The following HMBOX1 variants were observed in gnomAD, a reference collection of about 807,000 sequenced individuals.
HMBOX1 encodes the protein homeobox containing 1.
HMBOX1 carries 14 observed loss-of-function variants against 54.5 expected under a neutral mutation model. The ratio of observed to expected loss-of-function variants is 0.26; its 90% CI spans 0.17 to 0.40. The LOEUF is 0.40. Among genes scored for constraint, HMBOX1 ranks in the 10% least tolerant of loss-of-function variants. The pLI, the probability that HMBOX1 is intolerant of heterozygous loss-of-function variation, is 1.00. For synonymous variants in HMBOX1, 160 were observed against 181.0 expected, an observed-to-expected ratio of 0.88 and a Z score of 0.93; for missense variants, 332 against 514.4, an observed-to-expected ratio of 0.65 and a Z score of 3.43.
intron 1 of HMBOX1, among the ~76,000 whole-genome samples, chr8:28,897,208 T>TC: frequency 6.6e-6 from 1 of 151,674 alleles, no homozygotes; most frequent in East Asian, 1.9e-4. Flanking sequence ...TGGTCTCGAA[T>TC]CCCCCCTCAG....
intron 1 of HMBOX1, among the ~76,000 whole-genome samples, chr8:28,913,316 T>C (rs1002268294): frequency 6.6e-6 from 1 of 152,202 alleles, no homozygotes; most frequent in Admixed American, 6.5e-5. Context: ...ATTACTACTT[T>C]TCTTTTTGCA....
chr8:28,977,914 A>T (rs1828689730), intron 3 of HMBOX1, among the ~76,000 whole-genome samples: 1 of 151,676 alleles, frequency 6.6e-6, no homozygotes, highest in African/African-American at 2.4e-5. Flanking sequence ...ACTGCACTCC[A>T]GCCTGGGCGA....
chr8:29,012,095 G>A (rs765395418), intron 5 of HMBOX1, among the ~76,000 whole-genome samples: 6 of 152,146 alleles, frequency 3.9e-5, no homozygotes, highest in African/African-American at 7.2e-5. Flanking sequence ...TTGTTGTTGC[G>A]TTAACAGCAA....
Position 28,970,102 on chromosome 8 carries a change from A to T in HMBOX1, c.83A>T (p.Asp28Val), listed in dbSNP as rs1406641481. Residue 28 changes from aspartate to valine, a missense_variant, in exon 3 of 10, where the codon GAT (aspartate) becomes GTT (valine). Transcript: ENST00000287701. This position sits in a 1 kb window ranked among gnomAD's most constrained non-coding sequence, Gnocchi z 4.3. Reference protein sequence around the residue: ...DEPRFTIEQIDLLQRLRRTGM... With the variant: ...DEPRFTIEQIVLLQRLRRTGM... ...CCCAGATTTACCATAGAGCAGATAG[A>T]TCTGCTTCAGCGACTTCGGCGTACT... is the stretch of plus-strand genomic sequence containing the variant. The T allele has an allele frequency of 6.2e-7, 1 of 1,614,008 alleles. No individual in the cohort carries two copies. The highest frequency in any genetic ancestry group is 8.5e-7 in the Non-Finnish European group (1 of 1,179,990).
At chr8:28,901,314 C>T (rs1813192880) in intron 1 of HMBOX1, among the ~76,000 whole-genome samples, 1 of 151,970 alleles carries the variant, frequency 6.6e-6, no homozygotes, top group Non-Finnish European at 1.5e-5. Flanking sequence ...AATATTTCCC[C>T]TTAAAATTTT....
intron 1 of HMBOX1, among the ~76,000 whole-genome samples, chr8:28,918,961 T>G (rs1226833517): frequency 6.6e-6 from 1 of 152,246 alleles, no homozygotes; most frequent in Admixed American, 6.5e-5. Flanking sequence ...TTTAAAGTAT[T>G]TCTTTATACT....
At chr8:28,989,043 C>T (rs770892404) in intron 4 of HMBOX1, among the ~76,000 whole-genome samples, 5 of 152,084 alleles carry the variant, frequency 3.3e-5, no homozygotes, top group Non-Finnish European at 5.9e-5. Context: ...GAGGCCGAGG[C>T]GGGCGAATCA....
At chr8:28,925,131 GAA>G (rs1167864474) in intron 1 of HMBOX1, among the ~76,000 whole-genome samples, 2 of 151,870 alleles carry the variant, frequency 1.3e-5, no homozygotes, top group Non-Finnish European at 2.9e-5. Context: ...AAAATTAAAA[GAA>G]TAATATTATG....
intron 1 of HMBOX1, among the ~76,000 whole-genome samples, chr8:28,957,168 T>A (rs1234194991): frequency 6.6e-6 from 1 of 152,036 alleles, no homozygotes; most frequent in Non-Finnish European, 1.5e-5. Flanking sequence ...TCAGCGTAGG[T>A]CCCTATCAAC....
chr8:28,967,941 G>C (rs912386982), intron 2 of HMBOX1, among the ~76,000 whole-genome samples: 1 of 152,072 alleles, frequency 6.6e-6, no homozygotes, highest in Non-Finnish European at 1.5e-5. Context: ...GTGTGTGTTT[G>C]GTTTTGTTTT....
chr8:28,984,637 A>C (rs1192884795), intron 4 of HMBOX1, among the ~76,000 whole-genome samples: 2 of 152,226 alleles, frequency 1.3e-5, no homozygotes, highest in Non-Finnish European at 2.9e-5. Flanking sequence ...TTACCTCTGT[A>C]AGAGGTCAGC....
chr8:29,017,390 A>G (rs536389061), intron 5 of HMBOX1, among the ~76,000 whole-genome samples: 98 of 152,334 alleles, frequency 6.4e-4, no homozygotes, highest in African/African-American at 2.3e-3. Flanking sequence ...ATTCAAGGGC[A>G]TGATTAGCCA....
chr8:28,996,967 A>G (rs547749141), intron 4 of HMBOX1, among the ~76,000 whole-genome samples: 11 of 152,170 alleles, frequency 7.2e-5, no homozygotes, highest in Admixed American at 7.2e-4. Flanking sequence ...AACCATGCTG[A>G]ATTCATTTGT....
intron 1 of HMBOX1, among the ~76,000 whole-genome samples, chr8:28,912,615 C>T (rs9650431): frequency 0.084 from 12,772 of 152,210 alleles, 679 homozygotes; most frequent in South Asian, 0.24. Flanking sequence ...ATCATTCCTT[C>T]TTTATGAAAC....
At chr8:28,967,272 T>C (rs938656918) in intron 2 of HMBOX1, among the ~76,000 whole-genome samples, 6 of 152,232 alleles carry the variant, frequency 3.9e-5, no homozygotes, top group African/African-American at 1.4e-4. Context: ...TGAGGTGTTC[T>C]AAGCAGACAA....
chr8:28,922,427 C>G (rs1281097866), intron 1 of HMBOX1, among the ~76,000 whole-genome samples: 1 of 152,130 alleles, frequency 6.6e-6, no homozygotes, highest in Non-Finnish European at 1.5e-5. Context: ...TAGGACAACA[C>G]TTTGTTGGGC....
At chr8:28,953,635 C>A (rs1823906249) in intron 1 of HMBOX1, among the ~76,000 whole-genome samples, 1 of 151,176 alleles carries the variant, frequency 6.6e-6, no homozygotes, top group Admixed American at 6.6e-5. Context: ...TATGTCTAGT[C>A]TGGATTTGGA....
chr8:29,035,897 C>G (rs1040524741), intron 6 of HMBOX1, among the ~76,000 whole-genome samples: 17 of 152,164 alleles, frequency 1.1e-4, no homozygotes, highest in Non-Finnish European at 2.4e-4. Context: ...AAAATTATCT[C>G]CATTCTTTTC....
At chr8:28,985,097 A>G (rs1445568070) in intron 4 of HMBOX1, among the ~76,000 whole-genome samples, 1 of 152,202 alleles carries the variant, frequency 6.6e-6, no homozygotes, top group African/African-American at 2.4e-5. Flanking sequence ...TTGACTAAAT[A>G]GGTTCTTTCT....
Sources: gnomAD v4.1 joint callset for allele counts (sites outside exome capture counted in the v4.1 genomes callset) on GRCh38, gnomAD v4.1.1 for gene constraint, Gnocchi (gnomAD v3.1) non-coding constraint, MANE v1.5 for transcripts, NCBI Gene and HGNC (gene_info 2026-07-23, HGNC 2026-07-21) for gene names.